LSMEM2: variants seen among roughly 807,000 people sequenced by gnomAD.
The protein encoded by LSMEM2 is leucine rich single-pass membrane protein 2.
Under a neutral mutation model 17.3 loss-of-function variants are expected in LSMEM2, and 20 were observed. The ratio of observed to expected loss-of-function variants is 1.16; its 90% CI spans 0.81 to 1.68. The LOEUF (loss-of-function observed/expected upper bound fraction) is 1.68, where lower values mean the gene tolerates loss of function less well. LSMEM2 is among the 40% of genes most tolerant of loss of function. LSMEM2 has a pLI of 0.00. For missense variants in LSMEM2, 207 were observed against 214.3 expected (o/e 0.97, Z 0.21); for synonymous variants, 94 against 97.8 (o/e 0.96, Z 0.23).
At chr3:50,287,025 C>CG in intron 3 of LSMEM2, 44 bp from the exon 4 acceptor site, 2 of 1,609,974 alleles carry the variant, frequency 1.2e-6, no homozygotes, top group African/African-American at 2.7e-5. Flanking sequence ...GCAGGGGTCA[C>CG]GGGGTGGCAC....
upstream of LSMEM2, among the ~76,000 whole-genome samples, chr3:50,278,176 G>A (rs587734082): frequency 2.0e-5 from 3 of 152,280 alleles, no homozygotes; most frequent in South Asian, 2.1e-4. Context: ...GTGAGACAAC[G>A]GAGTGACAGG....
chr3:50,282,487 A>G (rs1701424542), intron 1 of LSMEM2, among the ~76,000 whole-genome samples: 1 of 152,236 alleles, frequency 6.6e-6, no homozygotes, highest in African/African-American at 2.4e-5. Context: ...TGTCCCCTCA[A>G]TGCTCTTCCC....
chr3:50,284,080 C>G (rs1701463586), intron 1 of LSMEM2, among the ~76,000 whole-genome samples: 1 of 151,774 alleles, frequency 6.6e-6, no homozygotes, highest in South Asian at 2.1e-4. Context: ...GTGGCAGGTG[C>G]CTGTAGTCCC....
Position 50,287,954 on chromosome 3 carries a change from G to A in LSMEM2, c.*752G>A, listed in dbSNP as rs995925808. On this transcript the variant is annotated 3_prime_UTR_variant, in exon 4 of 4. Transcript: ENST00000316436. Reference sequence around the variant, plus strand: ...TGCCTGCCCCACAGCCCTGAGGAAGGCACATATTTAGCCTGGCCTGAGACA... The same window carrying A: ...TGCCTGCCCCACAGCCCTGAGGAAGACACATATTTAGCCTGGCCTGAGACA... 5.6e-6 allele frequency: 3 copies of A among 537,564 alleles called. No individual in the cohort carries two copies. Among genetic ancestry groups the A allele is most frequent in the Non-Finnish European group, 1.0e-5 (3 of 297,978 alleles). The allele number at this position is 537,564 out of a possible 1,614,324, so 33.3% of individuals were successfully genotyped here.
At position 50,287,588 on chromosome 3, in the gene LSMEM2, T is replaced by TAAAG. The variant is rs1553708814; in HGVS notation, c.*388_*391dup. Reference sequence around the variant, plus strand: ...CCAGTGAGGGTCCAGCCTCAGCTCTTAAAGACAGGCTGGGCTCTGAGTAGG... The same window carrying TAAAG: ...CCAGTGAGGGTCCAGCCTCAGCTCTTAAAGAAAGACAGGCTGGGCTCTGAGTAGG... On this transcript the variant is annotated 3_prime_UTR_variant, in exon 4 of 4. Transcript: ENST00000316436. The TAAAG allele has an allele frequency of 1.1e-5, 3 of 266,168 alleles. No individual in the cohort carries two copies. The highest frequency in any genetic ancestry group is 4.4e-5 in the African/African-American group (2 of 45,814). 16.5% of individuals were successfully genotyped at this position (266,168 alleles called of 1,614,324 possible). A position where few individuals can be genotyped will look rare whatever the true frequency, so the allele number is the denominator to read the frequency against.
In LSMEM2 at chr3:50,287,118, G is replaced by A. The variant is rs1701568117; in HGVS notation, c.411G>A (p.Gln137=). ...LRILAHTLRT[Q]EETLLKLRLA... is the part of the protein sequence containing the mutation. ...TCCTGGCACACACGCTCCGCACGCA[G>A]GAGGAGACACTACTCAAACTCCGCT... Residue 137 remains glutamine (Q), a synonymous_variant, in exon 4 of 4, where the codon CAG becomes CAA. Coordinates refer to ENST00000316436, the MANE Select transcript of LSMEM2 (RefSeq NM_153215.3). The A allele has an allele frequency of 1.2e-6, 2 of 1,614,164 alleles. No homozygotes were observed. The highest frequency in any genetic ancestry group is 1.7e-6 in the Non-Finnish European group (2 of 1,180,032).
In LSMEM2 at chr3:50,288,093, T is replaced by TAA; in HGVS notation, c.*893_*894dup. ...TTTTTGGTTTTGTCATTAAAAAAAA[T>TAA]AAAGTGACAAATACTGGTGGAGACC... On this transcript the variant is annotated 3_prime_UTR_variant, in exon 4 of 4. Coordinates refer to ENST00000316436, the MANE Select transcript of LSMEM2 (RefSeq NM_153215.3). The TAA allele has an allele frequency of 3.5e-6, 4 of 1,141,352 alleles. No individual in the cohort carries two copies. The Admixed American group carries it at 8.4e-5, about 24-fold the overall frequency. 70.7% of individuals were successfully genotyped at this position (1,141,352 alleles called of 1,614,324 possible). A position where few individuals can be genotyped will look rare whatever the true frequency, so the allele number is the denominator to read the frequency against.
chr3:50,286,901 G>T (rs1553708625), intron 3 of LSMEM2, 39 bp downstream of exon 3: 1 of 1,607,068 alleles, frequency 6.2e-7, no homozygotes, highest in South Asian at 1.1e-5. Flanking sequence ...TGGAAAGCAA[G>T]GCAGTGGGGA....
rs1553708828 is a variant in LSMEM2 at position 50,287,718 on chromosome 3, A to G, written c.*516A>G. ...ATAGTAGATGGGGAGGGAGAACAGA[A>G]AAATACCCAGGGGTTAAGACCACAG... On this transcript the variant is annotated 3_prime_UTR_variant, in exon 4 of 4. Coordinates refer to ENST00000316436, the MANE Select transcript of LSMEM2 (RefSeq NM_153215.3). 2 of 211,168 alleles carry G rather than the reference A, an allele frequency of 9.5e-6. No homozygotes were observed. Among genetic ancestry groups the G allele is most frequent in the African/African-American group, 2.3e-5 (1 of 43,528 alleles). 13.1% of individuals were successfully genotyped at this position (211,168 alleles called of 1,614,324 possible). A position where few individuals can be genotyped will look rare whatever the true frequency, so the allele number is the denominator to read the frequency against.
Position 50,286,489 on chromosome 3 carries a change from T to C in LSMEM2, c.77T>C (p.Met26Thr), listed in dbSNP as rs782285685. ...CCTGCAGACTCCGTGGCGCCAATGA[T>C]GCCCAGCCAGAGGAGCAGGGGGCCA... ...ETQEDSVAPM[M>T]PSQRSRGPLA... The change falls in exon 2 of 4, where the codon ATG (methionine) becomes ACG (threonine). Residue 26 changes from methionine to threonine, a missense_variant. By Grantham distance (81) the Met-to-Thr change is moderately conservative. Transcript: ENST00000316436. 71 of 1,607,530 alleles carry C rather than the reference T, an allele frequency of 4.4e-5. No homozygotes were observed. The highest frequency in any genetic ancestry group is 5.7e-5 in the Non-Finnish European group (67 of 1,177,916).
chr3:50,284,764 G>A (rs1428992834), intron 1 of LSMEM2, among the ~76,000 whole-genome samples: 3 of 151,992 alleles, frequency 2.0e-5, no homozygotes, highest in South Asian at 2.1e-4. Context: ...GGCCAGGCGC[G>A]ATGGCTCACG....
At chr3:50,286,437 C>T (rs1553708431) in intron 1 of LSMEM2, 34 bp from the exon 2 acceptor site, 4 of 1,559,260 alleles carry the variant, frequency 2.6e-6, no homozygotes. Flanking sequence ...GGTTGACCCA[C>T]CACTGGCTAA....
At position 50,286,397 on chromosome 3, in the gene LSMEM2, C is replaced by T. The variant is rs1553708424; in HGVS notation, c.59-74C>T. 5 of 1,502,106 alleles carry T rather than the reference C, an allele frequency of 3.3e-6. No individual in the cohort carries two copies. The Admixed American group carries it at 6.6e-5, about 20-fold the overall frequency. The allele number at this position is 1,502,106 out of a possible 1,614,324, so 93.0% of individuals were successfully genotyped here. ...TATCCCTATCATCCGCAAGTCCTTG[C>T]TGCCTGAAGCCACCTGGTAGAAGGA... On this transcript the variant is annotated intron_variant, in intron 1 of 3. Transcript: ENST00000316436.
In LSMEM2 at chr3:50,287,602, G is replaced by T; in HGVS notation, c.*400G>T. 3.8e-6 allele frequency: 1 copy of T among 261,450 alleles called. No individual in the cohort carries two copies. The highest frequency in any genetic ancestry group is 5.1e-5 in the South Asian group (1 of 19,538). The allele number at this position is 261,450 out of a possible 1,614,324, so 16.2% of individuals were successfully genotyped here. On this transcript the variant is annotated 3_prime_UTR_variant, in exon 4 of 4. Coordinates refer to ENST00000316436, the MANE Select transcript of LSMEM2 (RefSeq NM_153215.3). ...GCCTCAGCTCTTAAAGACAGGCTGG[G>T]CTCTGAGTAGGGGGAGAGGCACCAC...
chr3:50,278,952 AC>A, upstream of LSMEM2: 1 of 707,902 alleles, frequency 1.4e-6, no homozygotes. Flanking sequence ...AGGCTGGCCC[AC>A]GTGGATCACT....
intron 1 of LSMEM2, among the ~76,000 whole-genome samples, chr3:50,282,756 G>A (rs1377407461): frequency 1.3e-5 from 2 of 152,108 alleles, no homozygotes; most frequent in Admixed American, 6.6e-5. Context: ...ATGGTGGCAC[G>A]TGCCTGTAAT....
chr3:50,287,355 G>A lies in LSMEM2; in HGVS notation c.*153G>A, dbSNP rs1029088324. 3 of 1,024,182 alleles carry A rather than the reference G, an allele frequency of 2.9e-6. No homozygotes were observed. Among genetic ancestry groups the A allele is most frequent in the South Asian group, 3.1e-5 (2 of 64,994 alleles). The allele number at this position is 1,024,182 out of a possible 1,614,324, so 63.4% of individuals were successfully genotyped here. ...AGAACCTGTTGTTAACTTAATGGCTGCCTCCCTCTCCTGATCTCTTCAAGC... is the reference window on the plus strand; with the variant it reads ...AGAACCTGTTGTTAACTTAATGGCTACCTCCCTCTCCTGATCTCTTCAAGC... On this transcript the variant is annotated 3_prime_UTR_variant, in exon 4 of 4. Coordinates refer to ENST00000316436, the MANE Select transcript of LSMEM2 (RefSeq NM_153215.3).
In LSMEM2 at chr3:50,286,573, T is replaced by G. The variant is rs1341912387; in HGVS notation, c.161T>G (p.Leu54Arg). ...CACCAGGTGGAGTCCATCAGCGACCTACATAGTGGAGGTGAGTGGGGACAG... is the reference window on the plus strand; with the variant it reads ...CACCAGGTGGAGTCCATCAGCGACCGACATAGTGGAGGTGAGTGGGGACAG... ...CLHQVESISD[L>R]HSGAGTLRPY... The change falls in exon 2 of 4, where the codon CTA becomes CGA. Residue 54 changes from leucine to arginine, a missense_variant. Coordinates refer to ENST00000316436, the MANE Select transcript of LSMEM2 (RefSeq NM_153215.3). The G allele has an allele frequency of 2.5e-6, 4 of 1,612,120 alleles. No individual in the cohort carries two copies. The highest frequency in any genetic ancestry group is 3.4e-6 in the Non-Finnish European group (4 of 1,179,204).
At position 50,288,044 on chromosome 3, in the gene LSMEM2, C is replaced by T; in HGVS notation, c.*842C>T. 1 of 722,082 alleles carries T rather than the reference C, an allele frequency of 1.4e-6. No individual in the cohort carries two copies. Among genetic ancestry groups the T allele is most frequent in the Non-Finnish European group, 2.4e-6 (1 of 422,078 alleles). The allele number at this position is 722,082 out of a possible 1,614,324, so 44.7% of individuals were successfully genotyped here. On this transcript the variant is annotated 3_prime_UTR_variant, in exon 4 of 4. Transcript: ENST00000316436. ...GGGTCAGGGTCCCAAGTGTCCGGGC[C>T]CCCAGCTACCCACCCCATGTCTGTT... is the stretch of plus-strand genomic sequence containing the variant.
Sources: gnomAD v4.1 joint callset for allele counts (sites outside exome capture counted in the v4.1 genomes callset) on GRCh38, gnomAD v4.1.1 for gene constraint, MANE v1.5 for transcripts, NCBI Gene and HGNC (gene_info 2026-07-23, HGNC 2026-07-21) for gene names.